TARS3: variants seen among roughly 807,000 people sequenced by gnomAD.
TARS3 encodes the protein threonine--tRNA ligase 2, cytoplasmic.
TARS3 carries 94 observed loss-of-function variants against 103.5 expected under a neutral mutation model. That is an observed-to-expected ratio of 0.91 (90% CI 0.77 to 1.08). TARS3 has a LOEUF of 1.08. Among genes scored for constraint, TARS3 ranks in the 50% least tolerant of loss-of-function variants. TARS3 has a pLI of 0.00. For synonymous variants in TARS3, 416 were observed against 355.4 expected (o/e 1.17, Z -1.92); for missense variants, 952 against 995.2 (o/e 0.96, Z 0.58).
intron 13 of TARS3, 26 bp downstream of exon 13, chr15:101,675,574 G>C (rs767397272): frequency 6.3e-7 from 1 of 1,599,506 alleles, no homozygotes; most frequent in Non-Finnish European, 8.5e-7. Context: ...CTAAAATGAA[G>C]AGGAAGCACA....
Position 101,654,675 on chromosome 15 carries a change from G to C in TARS3, c.2316C>G (p.Asn772Lys), listed in dbSNP as rs560301272. The C allele has an allele frequency of 2.4e-5, 38 of 1,614,038 alleles. No individual in the cohort carries two copies. Among genetic ancestry groups the C allele is most frequent in the Admixed American group, 1.7e-4 (10 of 59,992 alleles). ...TTACTAAAATCTCTCCATGAATTTTGTTGTCTCTTGTTCGCACGTTTACAG... is the reference window on the plus strand; with the variant it reads ...TTACTAAAATCTCTCCATGAATTTTCTTGTCTCTTGTTCGCACGTTTACAG... ...DNAVNVRTRD[N>K]KIHGEILVTS... is the part of the protein sequence containing the mutation. Residue 772 changes from asparagine (N) to lysine (K), a missense_variant, in exon 19 of 19, where the codon AAC becomes AAG. Physicochemically the swap from Asn to Lys is moderately conservative, Grantham distance 94. Around this residue, in one of 2 missense-constraint regions of TARS3, gnomAD observed 540 missense variants for 631.0 expected, o/e 0.86. Transcript: ENST00000335968.
At chr15:101,690,988 G>A (rs1898691631) in intron 10 of TARS3, among the ~76,000 whole-genome samples, 2 of 152,042 alleles carry the variant, frequency 1.3e-5, no homozygotes, top group Non-Finnish European at 2.9e-5. Context: ...ACACAGGCTG[G>A]AGTGAAGTGG....
At chr15:101,678,794 C>T (rs1037939637) in intron 12 of TARS3, among the ~76,000 whole-genome samples, 1 of 152,038 alleles carries the variant, frequency 6.6e-6, no homozygotes, top group African/African-American at 2.4e-5. Context: ...TCCCTGATTC[C>T]TCTTTTCATC....
At chr15:101,698,204 C>T (rs1443624432) in intron 10 of TARS3, among the ~76,000 whole-genome samples, 1 of 152,080 alleles carries the variant, frequency 6.6e-6, no homozygotes, top group Non-Finnish European at 1.5e-5. Context: ...TGGTGGCAGG[C>T]GCCTGTGGTC....
At chr15:101,700,464 T>C (rs1171062975) in intron 10 of TARS3, among the ~76,000 whole-genome samples, 8 of 152,156 alleles carry the variant, frequency 5.3e-5, no homozygotes, top group Non-Finnish European at 1.2e-4. Context: ...GAGACGACAC[T>C]TTCTCCTTTC....
At chr15:101,695,416 T>C (rs183506984) in intron 10 of TARS3, among the ~76,000 whole-genome samples, 8 of 152,354 alleles carry the variant, frequency 5.3e-5, no homozygotes, top group Admixed American at 2.6e-4. Flanking sequence ...CCTTCATGTG[T>C]ATATCAGTAT....
At position 101,714,896 on chromosome 15, in the gene TARS3, A is replaced by G. The variant is rs1199632187; in HGVS notation, c.634T>C (p.Leu212=). 6.2e-7 allele frequency: 1 copy of G among 1,612,912 alleles called. No individual in the cohort carries two copies. The highest frequency in any genetic ancestry group is 8.5e-7 in the Non-Finnish European group (1 of 1,179,328). The part of the protein sequence containing the change: ...NGELWDLDRP[L]EGDSSLELLT... ...AGCTCTAGAGAAGAGTCCCCTTCCA[A>G]TGGGCGGTCCAGGTCCCACAGTTCA... Residue 212 remains leucine, a synonymous_variant, in exon 4 of 19, where the codon TTG becomes CTG. Transcript: ENST00000335968.
chr15:101,665,867 T>C (rs1463700490), intron 15 of TARS3, among the ~76,000 whole-genome samples: 20 of 152,318 alleles, frequency 1.3e-4, no homozygotes, highest in Admixed American at 1.3e-3. Flanking sequence ...TTAAATTTAA[T>C]ACAAAGTAAA....
intron 10 of TARS3, among the ~76,000 whole-genome samples, chr15:101,692,035 C>G (rs1450987762): frequency 1.3e-5 from 2 of 152,230 alleles, no homozygotes; most frequent in Non-Finnish European, 2.9e-5. Context: ...TAATAAATCT[C>G]TTCTTTTCTA....
chr15:101,698,628 T>G (rs1899100707), intron 10 of TARS3, among the ~76,000 whole-genome samples: 1 of 152,172 alleles, frequency 6.6e-6, no homozygotes, highest in Non-Finnish European at 1.5e-5. Flanking sequence ...AAGCACCATT[T>G]TACAATGTGA....
chr15:101,702,285 T>C lies in TARS3; in HGVS notation c.1175A>G (p.Lys392Arg), dbSNP rs1899321917. The change falls in exon 9 of 19, where the codon AAG (lysine) becomes AGG (arginine). Residue 392 changes from lysine (K) to arginine (R), a missense_variant. Transcript: ENST00000335968. ...PDNKMMRDWE[K>R]FQEEAKNRDH... ...TCGGTTCTTTGCTTCCTCTTGGAAC[T>C]TTTCCCAGTCTCTCATCATCTTGTT... 3 of 1,614,160 alleles carry C rather than the reference T, an allele frequency of 1.9e-6. No homozygotes were observed. The highest frequency in any genetic ancestry group is 2.5e-6 in the Non-Finnish European group (3 of 1,179,982).
At chr15:101,723,912 G>T (rs892785936) in intron 1 of TARS3, among the ~76,000 whole-genome samples, 179 bp downstream of exon 1, 1 of 151,916 alleles carries the variant, frequency 6.6e-6, no homozygotes, top group African/African-American at 2.4e-5. Flanking sequence ...TGGAAATCCG[G>T]CGGCTCCCCA....
chr15:101,712,656 A>G (rs1256146366), intron 4 of TARS3, among the ~76,000 whole-genome samples: 2 of 152,316 alleles, frequency 1.3e-5, no homozygotes, highest in African/African-American at 4.8e-5. Context: ...CCAAGTTCAA[A>G]AAGTTGATAC....
intron 4 of TARS3, among the ~76,000 whole-genome samples, chr15:101,712,368 C>T (rs1053096861): frequency 3.3e-5 from 5 of 152,092 alleles, no homozygotes; most frequent in Non-Finnish European, 5.9e-5. Flanking sequence ...GGAGGAAGGC[C>T]GAGGAGTGCC....
At chr15:101,689,946 A>C (rs1419936249) in intron 10 of TARS3, among the ~76,000 whole-genome samples, 1 of 152,252 alleles carries the variant, frequency 6.6e-6, no homozygotes, top group Non-Finnish European at 1.5e-5. Flanking sequence ...GTCCATCTAC[A>C]GAGGCTGAAA....
chr15:101,661,740 T>A lies in TARS3; in HGVS notation c.2044A>T (p.Ile682Phe). 1 of 1,607,068 alleles carries A rather than the reference T, an allele frequency of 6.2e-7. No homozygotes were observed. The highest frequency in any genetic ancestry group is 8.5e-7 in the Non-Finnish European group (1 of 1,175,828). ...TTTCCGCCATAGTTTTCTGAAAGAATGGCTATCATTCTTTCCACTGATCCC... is the reference window on the plus strand; with the variant it reads ...TTTCCGCCATAGTTTTCTGAAAGAAAGGCTATCATTCTTTCCACTGATCCC... ...ILGSVERMIA[I>F]LSENYGGKWP... The change falls in exon 16 of 19, where the codon ATT becomes TTT. Residue 682 changes from isoleucine (I) to phenylalanine (F), a missense_variant. Ile to Phe is a conservative substitution (Grantham distance 21). Transcript: ENST00000335968.
chr15:101,673,324 C>T lies in TARS3; in HGVS notation c.1789-1576G>A, dbSNP rs374401267. Reference sequence around the variant, plus strand: ...TACCTGGTCCATCCCCTTTTCAGCTCCCCACACCCCACCAAGTTTCAAATG... The same window carrying T: ...TACCTGGTCCATCCCCTTTTCAGCTTCCCACACCCCACCAAGTTTCAAATG... On this transcript the variant is annotated intron_variant, in intron 13 of 18. Transcript: ENST00000335968. Among the ~76,000 whole-genome samples, 18 of 152,302 alleles carry T rather than the reference C, an allele frequency of 1.2e-4. No individual in the cohort carries two copies. The East Asian group carries it at 1.7e-3, about 15-fold the overall frequency.
intron 16 of TARS3, 70 bp from the exon 17 acceptor site, chr15:101,657,927 A>T: frequency 9.9e-7 from 1 of 1,012,906 alleles, no homozygotes; most frequent in Non-Finnish European, 1.4e-6. Flanking sequence ...ATTTTCAAAT[A>T]ACCAAAGATT....
chr15:101,722,539 G>C lies in TARS3; in HGVS notation c.369+554C>G, dbSNP rs1355945815. On this transcript the variant is annotated intron_variant, in intron 2 of 18. Coordinates refer to ENST00000335968, the MANE Select transcript of TARS3 (RefSeq NM_152334.3). Reference sequence around the variant, plus strand: ...AAAAAAAAAAAGACCGGGGGCGGTGGCTCACGCCTGTAATCCCAGCACTTT... The same window carrying C: ...AAAAAAAAAAAGACCGGGGGCGGTGCCTCACGCCTGTAATCCCAGCACTTT... Among the ~76,000 whole-genome samples, 4 of 148,910 alleles carry C rather than the reference G, an allele frequency of 2.7e-5. No homozygotes were observed. The East Asian group carries it at 7.9e-4, about 29-fold the overall frequency.
Sources: allele counts gnomAD v4.1 joint callset (sites outside exome capture counted in the v4.1 genomes callset), GRCh38; gene constraint gnomAD v4.1.1; regional missense constraint gnomAD v4.1.1; transcripts MANE v1.5; gene names NCBI Gene and HGNC (gene_info 2026-07-23, HGNC 2026-07-21).